DNM3: variants seen among roughly 807,000 people sequenced by gnomAD.
DNM3 encodes dynamin 3.
A neutral mutation model predicts 101.6 loss-of-function variants in DNM3; 47 were observed. That is an observed-to-expected ratio of 0.46 (90% CI 0.37 to 0.59). The LOEUF (loss-of-function observed/expected upper bound fraction) is 0.59. DNM3 is among the 20% of genes least tolerant of loss of function. DNM3 has a pLI of 0.00. For missense variants in DNM3, 849 were observed against 1,085.7 expected, an observed-to-expected ratio of 0.78 and a Z score of 3.06; for synonymous variants, 385 against 387.9, an observed-to-expected ratio of 0.99 and a Z score of 0.09.
chr1:172,091,227 G>A (rs539717943), intron 12 of DNM3, among the ~76,000 whole-genome samples: 191 of 152,280 alleles, frequency 1.3e-3, no homozygotes, highest in African/African-American at 4.3e-3. Context: ...TCCTTTGCAG[G>A]CCCTGGGGAT....
chr1:171,880,858 C>T (rs2036206073), intron 1 of DNM3, among the ~76,000 whole-genome samples: 1 of 151,864 alleles, frequency 6.6e-6, no homozygotes, highest in Non-Finnish European at 1.5e-5. Context: ...TGAGTTTTAT[C>T]AACCAGGAGT....
intron 14 of DNM3, among the ~76,000 whole-genome samples, chr1:172,182,318 A>G (rs897031809): frequency 6.6e-6 from 1 of 152,078 alleles, no homozygotes; most frequent in African/African-American, 2.4e-5. Context: ...TGTGCATGAA[A>G]TTAATTTAGG....
intron 2 of DNM3, among the ~76,000 whole-genome samples, chr1:171,928,485 G>T (rs556115384): frequency 1.6e-3 from 245 of 152,266 alleles, no homozygotes; most frequent in African/African-American, 5.6e-3. Flanking sequence ...ATCAGCCCAG[G>T]GTGGAGGGTC....
chr1:172,044,328 A>G, intron 8 of DNM3, 57 bp from the exon 9 acceptor site: 1 of 1,420,696 alleles, frequency 7.0e-7, no homozygotes, highest in Middle Eastern at 1.9e-4. Flanking sequence ...TGTAATGTTC[A>G]ACAATATTAT....
chr1:172,348,762 T>A (rs1469637359), intron 17 of DNM3, among the ~76,000 whole-genome samples: 2 of 152,210 alleles, frequency 1.3e-5, no homozygotes, highest in East Asian at 1.9e-4. Context: ...CAGGAATAGT[T>A]CTGGTGCTTT....
intron 14 of DNM3, among the ~76,000 whole-genome samples, chr1:172,251,153 T>C (rs2062153558): frequency 6.6e-6 from 1 of 152,162 alleles, no homozygotes; most frequent in African/African-American, 2.4e-5. Context: ...CAGCACATTA[T>C]TAGGCAGTCA....
chr1:171,996,507 A>C (rs981202831), intron 4 of DNM3, among the ~76,000 whole-genome samples: 1 of 152,104 alleles, frequency 6.6e-6, no homozygotes, highest in Non-Finnish European at 1.5e-5. Flanking sequence ...CTCCTCCTCC[A>C]GTACTTTTTC....
chr1:172,362,573 G>A (rs1031903439), intron 17 of DNM3, among the ~76,000 whole-genome samples: 3 of 151,806 alleles, frequency 2.0e-5, no homozygotes, highest in Non-Finnish European at 4.4e-5. Flanking sequence ...TTTGCCTTCT[G>A]GCTTCTTTTT....
intron 17 of DNM3, among the ~76,000 whole-genome samples, chr1:172,369,979 C>T (rs1340700816): frequency 1.3e-5 from 2 of 151,976 alleles, no homozygotes; most frequent in East Asian, 3.9e-4. Context: ...GTTATAAGAA[C>T]ATCAGTTATA....
At chr1:172,332,934 A>G (rs2066252293) in intron 17 of DNM3, among the ~76,000 whole-genome samples, 1 of 152,028 alleles carries the variant, frequency 6.6e-6, no homozygotes, top group Non-Finnish European at 1.5e-5. Flanking sequence ...AGATGTTTGC[A>G]GACAGAGATT....
At chr1:171,882,203 C>A (rs181311654) in intron 1 of DNM3, among the ~76,000 whole-genome samples, 1 of 151,854 alleles carries the variant, frequency 6.6e-6, no homozygotes, top group Non-Finnish European at 1.5e-5. Flanking sequence ...ATTAGCTGGG[C>A]GTGGTGGTGC....
intron 20 of DNM3, among the ~76,000 whole-genome samples, chr1:172,394,700 C>CTGAT (rs779305995): frequency 2.0e-5 from 3 of 152,174 alleles, no homozygotes; most frequent in East Asian, 1.9e-4. Flanking sequence ...TTTCACCTGA[C>CTGAT]TGATAGAGGA....
At chr1:172,235,142 A>C (rs2061489821) in intron 14 of DNM3, among the ~76,000 whole-genome samples, 1 of 152,200 alleles carries the variant, frequency 6.6e-6, no homozygotes. Context: ...AAGAACTCAA[A>C]CAAATTTACA....
At chr1:172,215,934 T>G (rs189258000) in intron 14 of DNM3, among the ~76,000 whole-genome samples, 1 of 150,508 alleles carries the variant, frequency 6.6e-6, no homozygotes, top group Non-Finnish European at 1.5e-5. Context: ...ATAATTCAAT[T>G]TATAATTTAT....
chr1:172,133,325 C>G (rs1355371964), intron 14 of DNM3: 1 of 1,008,806 alleles, frequency 9.9e-7, no homozygotes, highest in Non-Finnish European at 1.2e-6. Context: ...AATCACTGCC[C>G]TTGTAGCTTC....
chr1:172,298,204 T>C (rs886559676), intron 15 of DNM3, among the ~76,000 whole-genome samples: 1 of 152,224 alleles, frequency 6.6e-6, no homozygotes, highest in African/African-American at 2.4e-5. Context: ...AGGTTCTCCT[T>C]CATTGATGGA....
intron 2 of DNM3, among the ~76,000 whole-genome samples, chr1:171,925,895 T>G (rs2040532198): frequency 6.6e-6 from 1 of 152,178 alleles, no homozygotes; most frequent in Admixed American, 6.5e-5. Context: ...TGGTGAGAGA[T>G]AGGGGTCCAG....
intron 1 of DNM3, among the ~76,000 whole-genome samples, chr1:171,845,364 C>T (rs1196915118): frequency 4.6e-5 from 7 of 152,104 alleles, no homozygotes; most frequent in Admixed American, 6.6e-5. Context: ...GTCTGGGCAA[C>T]GTAGTGAGAT....
intron 13 of DNM3, among the ~76,000 whole-genome samples, chr1:172,115,208 A>G (rs1375366711): frequency 6.6e-6 from 1 of 152,130 alleles, no homozygotes; most frequent in Non-Finnish European, 1.5e-5. Flanking sequence ...CTCCAAGGGC[A>G]TGGCATCTAG....
Sources: gnomAD v4.1 joint callset for allele counts (sites outside exome capture counted in the v4.1 genomes callset) on GRCh38, gnomAD v4.1.1 for gene constraint, MANE v1.5 for transcripts, NCBI Gene and HGNC (gene_info 2026-07-23, HGNC 2026-07-21) for gene names.